ARHGAP32: variants seen among roughly 807,000 people sequenced by gnomAD.
The protein encoded by ARHGAP32 is Rho GTPase activating protein 32, also known as rho GTPase-activating protein 32.
Under a neutral mutation model 186.5 loss-of-function variants are expected in ARHGAP32, and 51 were observed. That is an observed-to-expected ratio of 0.27 (90% CI 0.22 to 0.35). ARHGAP32 has a LOEUF of 0.35. Ranked by LOEUF, ARHGAP32 falls within the 10% of genes least tolerant of loss-of-function variation. The pLI is 1.00. For synonymous variants in ARHGAP32, 950 were observed against 964.3 expected, an observed-to-expected ratio of 0.99 and a Z score of 0.27; for missense variants, 2,186 against 2,623.5, an observed-to-expected ratio of 0.83 and a Z score of 3.64.
intron 11 of ARHGAP32, among the ~76,000 whole-genome samples, chr11:129,028,238 A>T (rs1938950074): frequency 6.6e-6 from 1 of 152,234 alleles, no homozygotes; most frequent in African/African-American, 2.4e-5. Flanking sequence ...AATGAATGTG[A>T]ACTCAGGTGG....
chr11:129,189,866 T>G (rs1018272737), intron 1 of ARHGAP32, among the ~76,000 whole-genome samples: 3 of 152,206 alleles, frequency 2.0e-5, no homozygotes, highest in Non-Finnish European at 2.9e-5. Context: ...ACCAGAAGCC[T>G]ACATTCTAGG....
At chr11:129,085,548 AG>A (rs1216468999) in intron 6 of ARHGAP32, among the ~76,000 whole-genome samples, 5 of 152,196 alleles carry the variant, frequency 3.3e-5, no homozygotes, top group Non-Finnish European at 7.3e-5. Flanking sequence ...CCTGATTTAC[AG>A]ATTCAATACA....
intron 1 of ARHGAP32, among the ~76,000 whole-genome samples, chr11:129,212,327 C>A (rs1184885862): frequency 2.6e-5 from 4 of 152,022 alleles, no homozygotes; most frequent in Non-Finnish European, 5.9e-5. Flanking sequence ...TATTTTCCAA[C>A]TAGTTGCCTA....
At chr11:129,278,702 C>T (rs980460616) in intron 1 of ARHGAP32, among the ~76,000 whole-genome samples, 1 of 151,448 alleles carries the variant, frequency 6.6e-6, no homozygotes, top group Admixed American at 6.6e-5. Flanking sequence ...CCGCGGGGCC[C>T]ACGCACACCT....
chr11:129,105,000 T>C (rs1942010320), intron 5 of ARHGAP32, among the ~76,000 whole-genome samples: 1 of 152,144 alleles, frequency 6.6e-6, no homozygotes, highest in Non-Finnish European at 1.5e-5. Flanking sequence ...TCACAAACTA[T>C]TGTTTGTCTC....
intron 10 of ARHGAP32, among the ~76,000 whole-genome samples, chr11:129,046,663 T>C (rs930128623): frequency 6.6e-6 from 1 of 152,132 alleles, no homozygotes; most frequent in Non-Finnish European, 1.5e-5. Context: ...TGGTGTAACT[T>C]AAAAGGAATA....
intron 1 of ARHGAP32, among the ~76,000 whole-genome samples, chr11:129,189,918 A>C (rs1565462658): frequency 6.6e-6 from 1 of 152,120 alleles, no homozygotes; most frequent in Non-Finnish European, 1.5e-5. Flanking sequence ...GCCTTAAGTT[A>C]CACAAGAGCA....
At chr11:129,060,686 C>G (rs534309529) in intron 10 of ARHGAP32, among the ~76,000 whole-genome samples, 2 of 152,048 alleles carry the variant, frequency 1.3e-5, no homozygotes, top group Non-Finnish European at 2.9e-5. Flanking sequence ...TAGGGTTTTT[C>G]TGGTCTTAAC....
chr11:129,057,756 C>A (rs1299484466), intron 10 of ARHGAP32, among the ~76,000 whole-genome samples: 4 of 150,074 alleles, frequency 2.7e-5, no homozygotes, highest in African/African-American at 7.4e-5. Context: ...GTCAAACACA[C>A]GTTGTTCATG....
intron 1 of ARHGAP32, among the ~76,000 whole-genome samples, chr11:129,198,144 G>C (rs1944417041): frequency 6.6e-6 from 1 of 152,114 alleles, no homozygotes; most frequent in African/African-American, 2.4e-5. Context: ...ACTTTCAACT[G>C]TTCATAGAAG....
At chr11:129,263,537 T>TGGCTACTG (rs1945351052) in intron 1 of ARHGAP32, among the ~76,000 whole-genome samples, 1 of 86,988 alleles carries the variant, frequency 1.1e-5, no homozygotes, top group Non-Finnish European at 2.2e-5. Flanking sequence ...ACCTTACCCA[T>TGGCTACTG]TAAAATGGCT....
chr11:129,030,420 AG>A (rs1296455222), intron 11 of ARHGAP32: 2 of 152,230 alleles, frequency 1.3e-5, no homozygotes, highest in African/African-American at 4.8e-5. Flanking sequence ...AAGATACTAG[AG>A]GACTGGTTTC....
Position 128,980,662 on chromosome 11 carries a change from C to T in ARHGAP32, c.1867G>A (p.Ala623Thr), listed in dbSNP as rs1945682006. 6.2e-7 allele frequency: 1 copy of T among 1,613,990 alleles called. No homozygotes were observed. The highest frequency in any genetic ancestry group is 2.2e-5 in the East Asian group (1 of 44,880). The stretch of plus-strand genomic sequence containing the variant: ...GTCACAATTGGAGAATTGACCTGAG[C>T]TTGTGTTCGTGCCTGGGCCTCTTCC... ...TLEEAQARTQ[A>T]QVNSPIVTEN... is the part of the protein sequence containing the mutation. The change falls in exon 18 of 23, where the codon GCT (alanine) becomes ACT (threonine). Residue 623 changes from alanine to threonine, a missense_variant. Physicochemically the swap from Ala to Thr is moderately conservative, Grantham distance 58 (BLOSUM62 0). This residue lies in a region of ARHGAP32 where 263 missense variants were observed against 323.5 expected (regional missense o/e 0.81). Coordinates refer to ENST00000682385, the MANE Select transcript of ARHGAP32 (RefSeq NM_001378024.1).
intron 2 of ARHGAP32, among the ~76,000 whole-genome samples, chr11:129,163,540 C>G: frequency 6.6e-6 from 1 of 152,060 alleles, no homozygotes; most frequent in Non-Finnish European, 1.5e-5. Context: ...ATCTTCATCT[C>G]ATACTCTTAT....
intron 1 of ARHGAP32, among the ~76,000 whole-genome samples, chr11:129,215,342 C>T (rs1315769187): frequency 6.6e-6 from 1 of 152,158 alleles, no homozygotes; most frequent in Non-Finnish European, 1.5e-5. Context: ...CACATCCTAG[C>T]ACTCAGGGCA....
chr11:129,240,152 C>T (rs1565477692), intron 1 of ARHGAP32, among the ~76,000 whole-genome samples: 1 of 152,058 alleles, frequency 6.6e-6, no homozygotes, highest in African/African-American at 2.4e-5. Flanking sequence ...AGTGATTCTC[C>T]TGCCAACCTC....
intron 11 of ARHGAP32, among the ~76,000 whole-genome samples, chr11:129,034,477 C>T (rs954924037): frequency 6.6e-6 from 1 of 152,110 alleles, no homozygotes; most frequent in African/African-American, 2.4e-5. Flanking sequence ...CCCACTCTTT[C>T]CCTCTTCTCT....
chr11:129,014,900 T>C lies in ARHGAP32; in HGVS notation c.1046-16432A>G, dbSNP rs192614137. On this transcript the variant is annotated intron_variant, in intron 11 of 22. Transcript: ENST00000682385. The stretch of plus-strand genomic sequence containing the variant: ...TCTATCATTCTCAGTCTCTGTTGCA[T>C]ACCTTAAAGTACTTTATGTTAAACA... Among the ~76,000 whole-genome samples, 58 of 152,318 alleles carry C rather than the reference T, an allele frequency of 3.8e-4. No homozygotes were observed. The East Asian group carries it at 9.4e-3, about 25-fold the overall frequency.
At chr11:129,114,287 A>C (rs1251092881) in intron 5 of ARHGAP32, among the ~76,000 whole-genome samples, 1 of 152,124 alleles carries the variant, frequency 6.6e-6, no homozygotes, top group Admixed American at 6.6e-5. Context: ...CTTCACTTCT[A>C]TCTCTGCATA....
Sources: gnomAD v4.1 joint callset for allele counts (sites outside exome capture counted in the v4.1 genomes callset) on GRCh38, gnomAD v4.1.1 for gene constraint, gnomAD v4.1.1 regional missense constraint, MANE v1.5 for transcripts, NCBI Gene and HGNC (gene_info 2026-07-23, HGNC 2026-07-21) for gene names.